The following RBM33 variants were observed in gnomAD, a reference collection of about 807,000 sequenced individuals.
RBM33 encodes RNA-binding protein 33.
In RBM33, 28 loss-of-function variants were observed where a neutral mutation model predicts 132.6. The ratio of observed to expected loss-of-function variants is 0.21; its 90% confidence interval spans 0.16 to 0.29. The LOEUF (loss-of-function observed/expected upper bound fraction) is 0.29. RBM33 is among the 10% of genes least tolerant of loss of function. The pLI is 1.00. For synonymous variants in RBM33, 634 were observed against 593.0 expected (o/e 1.07, Z -1.01); for missense variants, 1,291 against 1,518.5 (o/e 0.85, Z 2.49).
At chr7:155,761,730 T>G (rs1802043371) in intron 14 of RBM33, among the ~76,000 whole-genome samples, 1 of 152,204 alleles carries the variant, frequency 6.6e-6, no homozygotes, top group Admixed American at 6.5e-5. Flanking sequence ...AATACCAACT[T>G]TTGGTTTCAC....
intron 16 of RBM33, among the ~76,000 whole-genome samples, chr7:155,770,295 G>T (rs1184690900): frequency 6.6e-6 from 1 of 152,230 alleles, no homozygotes; most frequent in African/African-American, 2.4e-5. Context: ...TCAGCCCACC[G>T]CTGGAATCGT....
rs1801497760 is a variant in RBM33, at chr7:155,745,775, A to G, written c.2979+173A>G. 3 of 653,820 alleles carry G rather than the reference A, an allele frequency of 4.6e-6. No individual in the cohort carries two copies. In the East Asian group the frequency reaches 8.3e-5, roughly 18 times the overall value. 40.5% of individuals were successfully genotyped at this position (653,820 alleles called of 1,614,324 possible). A position where few individuals can be genotyped will look rare whatever the true frequency, so the allele number is the denominator to read the frequency against. On this transcript the variant is annotated intron_variant, in intron 14 of 17. Transcript: ENST00000401878. This position sits in a 1 kb window ranked among gnomAD's most constrained non-coding sequence, Gnocchi z 4.1. ...AGAATTGCCGCTTGACGACAGGCAT[A>G]CATTCTCAGAAATGTGTTGTTAGGC...
intron 8 of RBM33, among the ~76,000 whole-genome samples, chr7:155,713,225 G>A (rs543394857): frequency 6.6e-6 from 1 of 152,240 alleles, no homozygotes; most frequent in Non-Finnish European, 1.5e-5. Context: ...ATGCCAACTA[G>A]CCATGTGAGT....
At chr7:155,655,128 G>C (rs538858442) in intron 1 of RBM33, among the ~76,000 whole-genome samples, 80 of 152,288 alleles carry the variant, frequency 5.3e-4, no homozygotes, top group Non-Finnish European at 7.5e-4. Flanking sequence ...AACTACCATT[G>C]TAGCAGTTTG....
At chr7:155,768,746 A>G (rs993188413) in intron 16 of RBM33, among the ~76,000 whole-genome samples, 3 of 152,212 alleles carry the variant, frequency 2.0e-5, no homozygotes, top group African/African-American at 7.2e-5. Flanking sequence ...CCTCGCGAGT[A>G]GCTGGGACTA....
chr7:155,668,278 T>C (rs1798854265), intron 2 of RBM33, among the ~76,000 whole-genome samples: 2 of 152,236 alleles, frequency 1.3e-5, no homozygotes, highest in African/African-American at 2.4e-5. Context: ...ACATGGTCAT[T>C]GATGGGTATG....
At chr7:155,727,905 A>G (rs1441519085) in intron 9 of RBM33, among the ~76,000 whole-genome samples, 2 of 151,822 alleles carry the variant, frequency 1.3e-5, no homozygotes, top group African/African-American at 4.8e-5. Flanking sequence ...CTGGGACTAC[A>G]GGTGTGTCCC....
chr7:155,752,343 G>C (rs148468591), intron 14 of RBM33, among the ~76,000 whole-genome samples: 9 of 152,286 alleles, frequency 5.9e-5, no homozygotes, highest in African/African-American at 1.9e-4. Context: ...AAGGAAAATG[G>C]CTCATACAGA....
At chr7:155,767,622 G>A (rs759014497) in intron 16 of RBM33, among the ~76,000 whole-genome samples, 35 of 152,190 alleles carry the variant, frequency 2.3e-4, no homozygotes, top group Non-Finnish European at 1.9e-4. Flanking sequence ...AAACATACAT[G>A]TTACTTGGGT....
chr7:155,666,354 G>A (rs1798801648), intron 2 of RBM33, among the ~76,000 whole-genome samples: 1 of 152,186 alleles, frequency 6.6e-6, no homozygotes, highest in African/African-American at 2.4e-5. Context: ...AACTTTTTGG[G>A]TAATGTCTGC....
Position 155,718,378 on chromosome 7 carries a change from C to A in RBM33, c.1202-7C>A, listed in dbSNP as rs776369075. On this transcript the variant is annotated splice_region_variant and splice_polypyrimidine_tract_variant and intron_variant, in intron 8 of 17. Coordinates refer to ENST00000401878, the MANE Select transcript of RBM33 (RefSeq NM_053043.3). ...TGTGTCTCTAACACAAGGGGTTTTT[C>A]TTGCAGTGCCCTTGCTACCAGTTCC... The A allele has an allele frequency of 6.2e-7, 1 of 1,613,504 alleles. No homozygotes were observed. Among genetic ancestry groups the A allele is most frequent in the Non-Finnish European group, 8.5e-7 (1 of 1,179,586 alleles).
chr7:155,740,144 T>C, intron 12 of RBM33, 118 bp downstream of exon 12: 3 of 1,341,366 alleles, frequency 2.2e-6, no homozygotes, highest in Non-Finnish European at 2.9e-6. Flanking sequence ...GTTTATAAAA[T>C]GTGTAGTACA....
Position 155,678,653 on chromosome 7 carries a change from C to G in RBM33, c.217C>G (p.Gln73Glu). 1 of 1,580,874 alleles carries G rather than the reference C, an allele frequency of 6.3e-7. No individual in the cohort carries two copies. ...TGAAGAGCTAAATGATGATCTTTTGCAGAGTGATAATGAAGATGAAGAAAA... is the reference window on the plus strand; with the variant it reads ...TGAAGAGCTAAATGATGATCTTTTGGAGAGTGATAATGAAGATGAAGAAAA... Reference protein sequence around the residue: ...SDEELNDDLLQSDNEDEENFS... With the variant: ...SDEELNDDLLESDNEDEENFS... The change falls in exon 4 of 18, where the codon CAG becomes GAG. Residue 73 changes from glutamine to glutamate, a missense_variant. By Grantham distance (29) the Gln-to-Glu change is conservative. Coordinates refer to ENST00000401878, the MANE Select transcript of RBM33 (RefSeq NM_053043.3).
At chr7:155,665,848 A>G (rs1317896366) in intron 2 of RBM33, among the ~76,000 whole-genome samples, 2 of 152,174 alleles carry the variant, frequency 1.3e-5, no homozygotes, top group African/African-American at 4.8e-5. Flanking sequence ...AGAAATACAC[A>G]GTGGGGCTTA....
Position 155,745,383 on chromosome 7 carries a change from T to C in RBM33, c.2760T>C (p.Pro920=). The C allele has an allele frequency of 6.2e-7, 1 of 1,613,352 alleles. No homozygotes were observed. Among genetic ancestry groups the C allele is most frequent in the South Asian group, 1.1e-5 (1 of 90,870 alleles). Residue 920 remains proline (P), a synonymous_variant, in exon 14 of 18, where the codon CCT becomes CCC. Coordinates refer to ENST00000401878, the MANE Select transcript of RBM33 (RefSeq NM_053043.3). The surrounding 1 kb of genome is among the most constrained non-coding windows in gnomAD (Gnocchi z 4.1). ...ATTTGAGACAGACCAGAACAGTTCC[T>C]CAAAGTCAGACTCAGCCGCTGCATA... The part of the protein sequence containing the change: ...LKHLRQTRTV[P]QSQTQPLHKV...
intron 13 of RBM33, among the ~76,000 whole-genome samples, chr7:155,742,544 A>T (rs943201236): frequency 6.6e-6 from 1 of 152,148 alleles, no homozygotes; most frequent in Non-Finnish European, 1.5e-5. Context: ...GGTGGACCGG[A>T]CTCAGCCTGT....
At chr7:155,655,534 C>CTTTTTTTTTT (rs756948005) in intron 1 of RBM33, among the ~76,000 whole-genome samples, 16 of 80,112 alleles carry the variant, frequency 2.0e-4, no homozygotes, top group Non-Finnish European at 2.6e-4. Flanking sequence ...GGCTGTTTGC[C>CTTTTTTTTTT]TTTTTTTTTT....
At chr7:155,695,062 A>G (rs1799753465) in intron 5 of RBM33, among the ~76,000 whole-genome samples, 1 of 152,234 alleles carries the variant, frequency 6.6e-6, no homozygotes, top group Admixed American at 6.5e-5. Flanking sequence ...TAATGTTGCC[A>G]ATCTCTTGAT....
chr7:155,693,554 C>T lies in RBM33; in HGVS notation c.568-7219C>T, dbSNP rs75764002. Among the ~76,000 whole-genome samples, 658 of 151,892 alleles carry T rather than the reference C, an allele frequency of 4.3e-3. 9 individuals carry two copies. Among genetic ancestry groups the T allele is most frequent in the African/African-American group, 0.015 (634 of 41,430 alleles). ...TTGAAAAATATTTTTAAAAGGTATT[C>T]GTATATTTACTTTTTTTATCCTTTC... On this transcript the variant is annotated intron_variant, in intron 5 of 17. Transcript: ENST00000401878.
Sources: allele counts gnomAD v4.1 joint callset (sites outside exome capture counted in the v4.1 genomes callset), GRCh38; gene constraint gnomAD v4.1.1; non-coding constraint Gnocchi (gnomAD v3.1); transcripts MANE v1.5; gene names NCBI Gene and HGNC (gene_info 2026-07-23, HGNC 2026-07-21).